The following YAE1 variants were observed in gnomAD, a reference collection of about 807,000 sequenced individuals.
YAE1 encodes the protein YAE1 maturation factor of ABCE1.
Under a neutral mutation model 23.0 loss-of-function variants are expected in YAE1, and 22 were observed. That is an observed-to-expected ratio of 0.96 (90% CI 0.68 to 1.37). The LOEUF is 1.37. Ranked by LOEUF, YAE1 falls within the 40% of genes most tolerant of loss-of-function variation. The pLI, the probability that YAE1 is intolerant of heterozygous loss-of-function variation, is 0.00. For synonymous variants in YAE1, 101 were observed against 97.0 expected, an observed-to-expected ratio of 1.04 and a Z score of -0.24; for missense variants, 260 against 262.1, an observed-to-expected ratio of 0.99 and a Z score of 0.06.
In YAE1 at chr7:39,607,032, C is replaced by T. The variant is rs536864970; in HGVS notation, c.252-2585C>T. 4.6e-5 allele frequency among the ~76,000 whole-genome samples: 7 copies of T among 152,336 alleles called. No homozygotes were observed. The South Asian group carries it at 1.5e-3, about 32-fold the overall frequency. Reference sequence around the variant, plus strand: ...AACAATTATGTGACATATCCAAGTTCTTCTCAGCCTCATACTCTATGAAAA... The same window carrying T: ...AACAATTATGTGACATATCCAAGTTTTTCTCAGCCTCATACTCTATGAAAA... On this transcript the variant is annotated intron_variant, in intron 2 of 2. Coordinates refer to the YAE1 transcript ENST00000432096.
downstream of YAE1, chr7:39,610,404 C>CCATTTTATATTATAAAA (rs1791194824): frequency 8.8e-6 from 4 of 456,608 alleles, no homozygotes; most frequent in Non-Finnish European, 1.7e-5. Context: ...TCCAACGTTT[C>CCATTTTATATTATAAAA]TGCAGGTCCA....
exon 3 of YAE1, chr7:39,609,747 A>T (rs1381816391): frequency 6.5e-7 from 1 of 1,535,164 alleles, no homozygotes; most frequent in African/African-American, 1.4e-5. Flanking sequence ...GAAGCAGCCC[A>T]CGGAGCTCGA....
Position 39,572,811 on chromosome 7 carries a change from C to A in YAE1, c.*105C>A. The A allele has an allele frequency of 6.9e-7, 1 of 1,440,704 alleles. No homozygotes were observed. Among genetic ancestry groups the A allele is most frequent in the Non-Finnish European group, 9.1e-7 (1 of 1,101,466 alleles). The allele number at this position is 1,440,704 out of a possible 1,614,324, so 89.2% of individuals were successfully genotyped here. A position where few individuals can be genotyped will look rare whatever the true frequency, so the allele number is the denominator to read the frequency against. The stretch of plus-strand genomic sequence containing the variant: ...ATCAAACACCTCAACTGTAGGGTTA[C>A]CCTTTATGGAAGTTTGAAATTAACA... On this transcript the variant is annotated 3_prime_UTR_variant, in exon 3 of 3. Coordinates refer to ENST00000223273, the MANE Select transcript of YAE1 (RefSeq NM_020192.5).
At chr7:39,585,382 T>G (rs1790800294) in intron 2 of YAE1, among the ~76,000 whole-genome samples, 1 of 152,026 alleles carries the variant, frequency 6.6e-6, no homozygotes, top group Non-Finnish European at 1.5e-5. Context: ...AGAGGAAATT[T>G]GGACACACAA....
At chr7:39,588,380 C>T (rs757319105) in intron 2 of YAE1, among the ~76,000 whole-genome samples, 2 of 151,842 alleles carry the variant, frequency 1.3e-5, no homozygotes, top group African/African-American at 2.4e-5. Flanking sequence ...GGCTTGGTGG[C>T]GTGTGCCTGT....
At chr7:39,602,535 T>C (rs1236390333) in intron 2 of YAE1, among the ~76,000 whole-genome samples, 1 of 152,204 alleles carries the variant, frequency 6.6e-6, no homozygotes, top group Non-Finnish European at 1.5e-5. Flanking sequence ...CAATTACTCA[T>C]TATATGAGCA....
chr7:39,609,996 T>C, exon 3 of YAE1: 1 of 1,514,160 alleles, frequency 6.6e-7, no homozygotes, highest in Non-Finnish European at 8.8e-7. Flanking sequence ...GAAGTTGTTC[T>C]TAATCAGAGG....
intron 2 of YAE1, among the ~76,000 whole-genome samples, chr7:39,585,360 A>T (rs1355918101): frequency 1.3e-5 from 2 of 152,176 alleles, no homozygotes; most frequent in African/African-American, 2.4e-5. Flanking sequence ...TCTGACCAGT[A>T]TCCTTATAAG....
downstream of YAE1, among the ~76,000 whole-genome samples, chr7:39,611,009 A>G (rs1791206532): frequency 1.3e-5 from 2 of 152,052 alleles, no homozygotes; most frequent in South Asian, 2.1e-4. Context: ...TTAGGTGGAC[A>G]TGGTGGCGAG....
chr7:39,580,608 G>T (rs915695603), intron 2 of YAE1, among the ~76,000 whole-genome samples: 1 of 152,148 alleles, frequency 6.6e-6, no homozygotes, highest in African/African-American at 2.4e-5. Context: ...GGTGGTGCTC[G>T]TGCACCCTGA....
intron 2 of YAE1, among the ~76,000 whole-genome samples, chr7:39,579,982 C>T (rs1285163862): frequency 1.3e-5 from 2 of 151,716 alleles, no homozygotes; most frequent in Non-Finnish European, 2.9e-5. Flanking sequence ...GAGCTTGAGG[C>T]TGCAGTGAGC....
chr7:39,584,296 C>T (rs1790782722), intron 2 of YAE1, among the ~76,000 whole-genome samples: 1 of 151,984 alleles, frequency 6.6e-6, no homozygotes, highest in Non-Finnish European at 1.5e-5. Flanking sequence ...TGTTTGTTCG[C>T]CAGAGTGATG....
chr7:39,586,628 G>T (rs1246439671), intron 2 of YAE1, among the ~76,000 whole-genome samples: 1 of 151,186 alleles, frequency 6.6e-6, no homozygotes, highest in Non-Finnish European at 1.5e-5. Flanking sequence ...CTCCCAAGTA[G>T]CTGGGACTAC....
chr7:39,596,483 C>T (rs1003642193), intron 2 of YAE1, among the ~76,000 whole-genome samples: 9 of 152,014 alleles, frequency 5.9e-5, no homozygotes, highest in African/African-American at 1.5e-4. Context: ...GCCTCAGCCT[C>T]GCCTCAGCCT....
intron 2 of YAE1, among the ~76,000 whole-genome samples, chr7:39,590,748 G>A (rs1331544917): frequency 6.6e-6 from 1 of 152,124 alleles, no homozygotes; most frequent in Admixed American, 6.6e-5. Context: ...TCCACCTGTG[G>A]CATCATATTG....
chr7:39,608,879 T>C (rs1791166265), intron 2 of YAE1, among the ~76,000 whole-genome samples: 1 of 152,232 alleles, frequency 6.6e-6, no homozygotes, highest in African/African-American at 2.4e-5. Flanking sequence ...AGAAGTTATA[T>C]AATTAAAACA....
chr7:39,573,162 T>C (rs1790600942), downstream of YAE1, among the ~76,000 whole-genome samples: 1 of 152,182 alleles, frequency 6.6e-6, no homozygotes, highest in East Asian at 1.9e-4. Context: ...TGTAGATATA[T>C]ATTGAAATTA....
downstream of YAE1, among the ~76,000 whole-genome samples, chr7:39,574,803 G>A (rs995516887): frequency 1.3e-5 from 2 of 151,580 alleles, no homozygotes; most frequent in Non-Finnish European, 1.5e-5. Flanking sequence ...TACTTGGGAA[G>A]CTGAGCTGGG....
downstream of YAE1, among the ~76,000 whole-genome samples, chr7:39,610,591 A>G (rs574755219): frequency 2.6e-5 from 4 of 152,156 alleles, no homozygotes; most frequent in African/African-American, 9.7e-5. Flanking sequence ...GAGTTTCCCC[A>G]AGCACAGTTC....
Sources: gnomAD v4.1 joint callset for allele counts (sites outside exome capture counted in the v4.1 genomes callset) on GRCh38, gnomAD v4.1.1 for gene constraint, MANE v1.5 for transcripts, NCBI Gene and HGNC (gene_info 2026-07-23, HGNC 2026-07-21) for gene names.